SAMD3: variants seen among roughly 807,000 people sequenced by gnomAD.
The protein encoded by SAMD3 is sterile alpha motif domain containing 3.
SAMD3 carries 63 observed loss-of-function variants against 58.5 expected under a neutral mutation model. The ratio of observed to expected loss-of-function variants is 1.08; its 90% CI spans 0.88 to 1.33. The LOEUF (loss-of-function observed/expected upper bound fraction) is 1.33. Ranked by LOEUF, SAMD3 falls within the 40% of genes most tolerant of loss-of-function variation. SAMD3 has a pLI of 0.00. For missense variants in SAMD3, 604 were observed against 608.4 expected (o/e 0.99, Z 0.08); for synonymous variants, 220 against 210.3 (o/e 1.05, Z -0.40).
chr6:130,322,986 T>C (rs1299066814), intron 1 of SAMD3, among the ~76,000 whole-genome samples: 2 of 152,140 alleles, frequency 1.3e-5, no homozygotes, highest in African/African-American at 4.8e-5. Context: ...GTTCATGGAA[T>C]AATAGATGGA....
chr6:130,249,635 A>G (rs1583005497), intron 2 of SAMD3, among the ~76,000 whole-genome samples: 1 of 152,184 alleles, frequency 6.6e-6, no homozygotes, highest in African/African-American at 2.4e-5. Flanking sequence ...GGGCATAGCA[A>G]TATGATAAGC....
chr6:130,365,281 A>C (rs1300093126), exon 1 of SAMD3: 5 of 985,378 alleles, frequency 5.1e-6, no homozygotes, highest in Non-Finnish European at 6.0e-6. Flanking sequence ...GAACATCCGC[A>C]CTGCTCATCG....
intron 7 of SAMD3, among the ~76,000 whole-genome samples, chr6:130,177,997 G>A (rs4515406): frequency 0.04 from 6,048 of 151,264 alleles, 405 homozygotes; most frequent in African/African-American, 0.14. Context: ...TTTTTTAGAC[G>A]GAGTTTCACT....
At chr6:130,237,534 GA>G (rs1360463912) in intron 2 of SAMD3, among the ~76,000 whole-genome samples, 1 of 151,924 alleles carries the variant, frequency 6.6e-6, no homozygotes, top group Non-Finnish European at 1.5e-5. Context: ...ATAAGGGTCA[GA>G]TTTTTTTTTT....
intron 2 of SAMD3, among the ~76,000 whole-genome samples, chr6:130,255,010 C>A (rs1395597376): frequency 6.6e-6 from 1 of 152,088 alleles, no homozygotes; most frequent in Non-Finnish European, 1.5e-5. Flanking sequence ...CCATGTTTGT[C>A]TCAAGATATT....
rs533832674 is a variant in SAMD3 at position 130,207,532 on chromosome 6, C to T, written c.383+1963G>A. Reference sequence around the variant, plus strand: ...CAGTTATAGACATGTGGACTGGCTGCATTTAGCAGCTTCGTGTTGGAAGGG... The same window carrying T: ...CAGTTATAGACATGTGGACTGGCTGTATTTAGCAGCTTCGTGTTGGAAGGG... On this transcript the variant is annotated intron_variant, in intron 5 of 11. Transcript: ENST00000439090. Among the ~76,000 whole-genome samples the T allele has an allele frequency of 1.2e-3, 183 of 152,270 alleles. 2 individuals carry two copies. The highest frequency in any genetic ancestry group is 4.1e-3 in the African/African-American group (170 of 41,550).
chr6:130,228,323 T>G (rs886153147), intron 2 of SAMD3, among the ~76,000 whole-genome samples: 1 of 152,218 alleles, frequency 6.6e-6, no homozygotes, highest in Non-Finnish European at 1.5e-5. Flanking sequence ...GCAGCCTCAC[T>G]TGTTTAACCC....
chr6:130,240,172 T>G (rs1056180910), intron 2 of SAMD3, among the ~76,000 whole-genome samples: 3 of 152,158 alleles, frequency 2.0e-5, no homozygotes, highest in African/African-American at 7.2e-5. Context: ...ATTTTCTTCT[T>G]TTTCTGGCCT....
chr6:130,285,090 A>G (rs755691903), intron 2 of SAMD3, among the ~76,000 whole-genome samples: 1 of 152,224 alleles, frequency 6.6e-6, no homozygotes, highest in Non-Finnish European at 1.5e-5. Context: ...AATGGACTAG[A>G]TCTCATGGAT....
At chr6:130,179,095 G>T (rs548128149) in intron 7 of SAMD3, among the ~76,000 whole-genome samples, 1 of 152,134 alleles carries the variant, frequency 6.6e-6, no homozygotes, top group South Asian at 2.1e-4. Context: ...CTGGTGGGAG[G>T]TATTATAGCA....
At chr6:130,170,518 A>G (rs1205273357) in intron 8 of SAMD3, among the ~76,000 whole-genome samples, 1 of 152,104 alleles carries the variant, frequency 6.6e-6, no homozygotes, top group African/African-American at 2.4e-5. Context: ...ATAGCATTGA[A>G]TCTGTAAATT....
intron 2 of SAMD3, among the ~76,000 whole-genome samples, chr6:130,269,345 G>A (rs1199897234): frequency 6.6e-6 from 1 of 152,094 alleles, no homozygotes; most frequent in African/African-American, 2.4e-5. Context: ...TTTGGGGCTG[G>A]ATATTCTTTT....
intron 1 of SAMD3, among the ~76,000 whole-genome samples, chr6:130,317,558 C>T (rs1255627755): frequency 2.0e-5 from 3 of 152,076 alleles, no homozygotes; most frequent in East Asian, 3.9e-4. Context: ...TACAAAGAAA[C>T]TGATATTATA....
intron 9 of SAMD3, among the ~76,000 whole-genome samples, chr6:130,149,846 C>A (rs1293786194): frequency 6.6e-6 from 1 of 152,188 alleles, no homozygotes; most frequent in East Asian, 1.9e-4. Context: ...ACCTGCACGA[C>A]GTATCCCCTG....
At chr6:130,259,055 C>T (rs1195092114) in intron 2 of SAMD3, among the ~76,000 whole-genome samples, 2 of 152,066 alleles carry the variant, frequency 1.3e-5, no homozygotes, top group Non-Finnish European at 2.9e-5. Flanking sequence ...CTAGCCCATA[C>T]AGGTTGGTTA....
At chr6:130,193,452 A>C (rs1793760359) in intron 5 of SAMD3, among the ~76,000 whole-genome samples, 1 of 149,950 alleles carries the variant, frequency 6.7e-6, no homozygotes, top group African/African-American at 2.5e-5. Flanking sequence ...CCACGCCCCG[A>C]CCTCTTATCT....
At chr6:130,145,786 T>C (rs1032888510) in intron 10 of SAMD3, among the ~76,000 whole-genome samples, 2 of 152,064 alleles carry the variant, frequency 1.3e-5, no homozygotes, top group Admixed American at 1.3e-4. Context: ...CCTCCTCTAA[T>C]TGGAAAAATT....
rs571931136 is a variant in SAMD3, at chr6:130,241,293, G to T, written c.-187-18480C>A. Among the ~76,000 whole-genome samples, 13 of 141,684 alleles carry T rather than the reference G, an allele frequency of 9.2e-5. No homozygotes were observed. In the East Asian group the frequency reaches 2.7e-3, roughly 30 times the overall value. The allele number at this position is 141,684 out of a possible 152,430, so 93.0% of individuals were successfully genotyped here. On this transcript the variant is annotated intron_variant, in intron 2 of 13. Coordinates refer to the SAMD3 transcript ENST00000368134. ...TGGCGCAGTCTCGGCTCACTTCACT[G>T]CAACCTCTGCCTCCCGGGTTCAAGT... is the stretch of plus-strand genomic sequence containing the variant.
intron 1 of SAMD3, among the ~76,000 whole-genome samples, chr6:130,347,639 T>C (rs1176226107): frequency 6.6e-6 from 1 of 152,104 alleles, no homozygotes; most frequent in Non-Finnish European, 1.5e-5. Context: ...TGGAACCAAG[T>C]TGGAACACAC....
Sources: allele counts gnomAD v4.1 joint callset (sites outside exome capture counted in the v4.1 genomes callset), GRCh38; gene constraint gnomAD v4.1.1; transcripts MANE v1.5; gene names NCBI Gene and HGNC (gene_info 2026-07-23, HGNC 2026-07-21).